The following SCGB2B2 variants were observed in gnomAD, a reference collection of about 807,000 sequenced individuals.
SCGB2B2 encodes the protein secretoglobin-like protein.
A neutral mutation model predicts 7.6 loss-of-function variants in SCGB2B2; 11 were observed. That is an observed-to-expected ratio of 1.45 (90% CI 0.91 to 2.40). SCGB2B2 has a LOEUF of 2.40. Among genes scored for constraint, SCGB2B2 ranks in the 30% most tolerant of loss-of-function variants. The pLI is 0.00. For synonymous variants in SCGB2B2, 50 were observed against 48.6 expected, an observed-to-expected ratio of 1.03 and a Z score of -0.12; for missense variants, 104 against 115.4, an observed-to-expected ratio of 0.90 and a Z score of 0.45.
At chr19:34,612,233 T>C (rs1444091628) in intron 1 of SCGB2B2, among the ~76,000 whole-genome samples, 1 of 151,390 alleles carries the variant, frequency 6.6e-6, no homozygotes, top group Non-Finnish European at 1.5e-5. Flanking sequence ...GAGACCGGGT[T>C]TCACTATGTT....
intron 1 of SCGB2B2, among the ~76,000 whole-genome samples, chr19:34,654,184 AAC>A (rs2146092806): frequency 6.6e-6 from 1 of 151,410 alleles, no homozygotes; most frequent in East Asian, 1.9e-4. Context: ...AAGCTATTAA[AAC>A]AAAAAAATTA....
chr19:34,628,779 C>T (rs1359240653), intron 1 of SCGB2B2, among the ~76,000 whole-genome samples: 1 of 151,970 alleles, frequency 6.6e-6, no homozygotes, highest in Non-Finnish European at 1.5e-5. Flanking sequence ...AGGGCAGCAT[C>T]ATCCTGATAC....
intron 1 of SCGB2B2, among the ~76,000 whole-genome samples, chr19:34,611,300 T>A (rs913791375): frequency 1.2e-4 from 18 of 152,190 alleles, no homozygotes; most frequent in African/African-American, 4.3e-4. Context: ...TCCTGTTTTT[T>A]AGTCTCAATT....
Position 34,593,287 on chromosome 19 carries a change from T to G in SCGB2B2, c.*268A>C. 1 of 401,216 alleles carries G rather than the reference T, an allele frequency of 2.5e-6. No homozygotes were observed. The highest frequency in any genetic ancestry group is 4.5e-6 in the Non-Finnish European group (1 of 221,366). The allele number at this position is 401,216 out of a possible 1,614,324, so 24.9% of individuals were successfully genotyped here. ...GTGAGCCAAGATCGCGCCAATGCAC[T>G]CCAGCCACCCTCCTCCCCGCCAAAA... On this transcript the variant is annotated 3_prime_UTR_variant, in exon 4 of 4. Transcript: ENST00000601241.
At position 34,626,544 on chromosome 19, in the gene SCGB2B2, GAGA is replaced by G. The variant is rs1344539323; in HGVS notation, c.-2031-29953_-2031-29951del. Among the ~76,000 whole-genome samples the G allele has an allele frequency of 2.0e-5, 3 of 152,180 alleles. No homozygotes were observed. In the East Asian group the frequency reaches 5.8e-4, roughly 29 times the overall value. The stretch of plus-strand genomic sequence containing the variant: ...TCAAATAAATGAAATGAAATGAGAA[GAGA>G]AGTTTAGAGAAAAAAGAATAAAAAG... On this transcript the variant is annotated intron_variant, in intron 1 of 3. Coordinates refer to ENST00000601241, the MANE Select transcript of SCGB2B2 (RefSeq NM_001025591.4).
chr19:34,618,750 T>TTAAC (rs1252546468), intron 1 of SCGB2B2, among the ~76,000 whole-genome samples: 32 of 152,378 alleles, frequency 2.1e-4, no homozygotes, highest in African/African-American at 7.7e-4. Flanking sequence ...TGTTATAATA[T>TTAAC]TAACTTTTAG....
intron 1 of SCGB2B2, among the ~76,000 whole-genome samples, chr19:34,626,336 T>C (rs2066375783): frequency 6.6e-6 from 1 of 151,946 alleles, no homozygotes; most frequent in Admixed American, 6.6e-5. Flanking sequence ...TTCGAACCCA[T>C]GGCAAAGTAG....
intron 1 of SCGB2B2, among the ~76,000 whole-genome samples, chr19:34,612,018 AATTCTTTTT>A (rs2065942129): frequency 1.3e-5 from 1 of 78,612 alleles, no homozygotes; most frequent in East Asian, 3.5e-4. Context: ...TGTTTTAGAA[AATTCTTTTT>A]TTTTTTTTTT....
At chr19:34,650,853 C>T (rs374655435) in intron 1 of SCGB2B2, among the ~76,000 whole-genome samples, 1 of 151,270 alleles carries the variant, frequency 6.6e-6, no homozygotes, top group Admixed American at 6.6e-5. Flanking sequence ...AAACATTCTC[C>T]ACAAAATACT....
chr19:34,670,372 G>C (rs2067770993), intron 1 of SCGB2B2, among the ~76,000 whole-genome samples: 1 of 152,164 alleles, frequency 6.6e-6, no homozygotes, highest in African/African-American at 2.4e-5. Context: ...AGTGTTATGA[G>C]GATTTCAGGT....
Position 34,669,428 on chromosome 19 carries a change from C to T in SCGB2B2, c.-2032+6202G>A, listed in dbSNP as rs1236579375. Among the ~76,000 whole-genome samples, 7 of 152,366 alleles carry T rather than the reference C, an allele frequency of 4.6e-5. No individual in the cohort carries two copies. The East Asian group carries it at 5.8e-4, about 13-fold the overall frequency. Reference sequence around the variant, plus strand: ...ATCAAATGTTTGTTGAACCGGCACTCGGTGGCAGATTCTGTGCTAGGGCGT... The same window carrying T: ...ATCAAATGTTTGTTGAACCGGCACTTGGTGGCAGATTCTGTGCTAGGGCGT... On this transcript the variant is annotated intron_variant, in intron 1 of 3. Coordinates refer to ENST00000601241, the MANE Select transcript of SCGB2B2 (RefSeq NM_001025591.4).
chr19:34,612,100 T>C (rs1032594429), intron 1 of SCGB2B2, among the ~76,000 whole-genome samples: 1 of 134,390 alleles, frequency 7.4e-6, no homozygotes, highest in African/African-American at 2.8e-5. Context: ...TGCAGTAGCA[T>C]GATCTTAGCT....
intron 1 of SCGB2B2, among the ~76,000 whole-genome samples, chr19:34,641,160 C>T (rs570104710): frequency 6.6e-6 from 1 of 151,896 alleles, no homozygotes; most frequent in Non-Finnish European, 1.5e-5. Flanking sequence ...TTGGTTTTGA[C>T]TGGTTTTGTT....
intron 1 of SCGB2B2, among the ~76,000 whole-genome samples, chr19:34,667,440 AC>A (rs2067664768): frequency 6.6e-6 from 1 of 150,756 alleles, no homozygotes; most frequent in African/African-American, 2.5e-5. Context: ...CCGGGGCCCC[AC>A]CCTCCCCAGC....
intron 1 of SCGB2B2, among the ~76,000 whole-genome samples, chr19:34,650,201 C>T (rs2067128140): frequency 6.6e-6 from 1 of 151,164 alleles, no homozygotes; most frequent in Non-Finnish European, 1.5e-5. Context: ...CTGAGCATAC[C>T]GGAGACCTGG....
intron 1 of SCGB2B2, among the ~76,000 whole-genome samples, chr19:34,662,166 C>T (rs759971725): frequency 1.2e-4 from 18 of 152,118 alleles, no homozygotes; most frequent in Non-Finnish European, 2.4e-4. Context: ...AGGTGTGAGC[C>T]ACCGCGCCGG....
intron 1 of SCGB2B2, among the ~76,000 whole-genome samples, chr19:34,667,184 C>G (rs1238980255): frequency 6.6e-6 from 1 of 152,138 alleles, no homozygotes; most frequent in East Asian, 1.9e-4. Flanking sequence ...AAGCAATGTC[C>G]CTGCAGACGG....
intron 1 of SCGB2B2, among the ~76,000 whole-genome samples, chr19:34,634,435 T>A (rs1261655405): frequency 6.6e-6 from 1 of 152,192 alleles, no homozygotes; most frequent in Non-Finnish European, 1.5e-5. Context: ...TTGGGCAGGT[T>A]AGAAAGTGCA....
At chr19:34,642,108 C>A (rs931197290) in intron 1 of SCGB2B2, among the ~76,000 whole-genome samples, 8 of 152,352 alleles carry the variant, frequency 5.3e-5, no homozygotes, top group Admixed American at 5.2e-4. Flanking sequence ...AGGGTAAAAA[C>A]TTCTTACCCG....
Sources: gnomAD v4.1 joint callset for allele counts (sites outside exome capture counted in the v4.1 genomes callset) on GRCh38, gnomAD v4.1.1 for gene constraint, MANE v1.5 for transcripts, NCBI Gene and HGNC (gene_info 2026-07-23, HGNC 2026-07-21) for gene names.